The following FHIT variants were observed in gnomAD, a reference collection of about 807,000 sequenced individuals.
FHIT encodes bis(5'-adenosyl)-triphosphatase.
In FHIT, 19 loss-of-function variants were observed where a neutral mutation model predicts 17.9. The observed-to-expected ratio is 1.06, with a 90% CI of 0.74 to 1.56. The LOEUF (loss-of-function observed/expected upper bound fraction) is 1.56, where lower values mean the gene tolerates loss of function less well. FHIT is among the 40% of genes most tolerant of loss of function. The pLI, the probability that FHIT is intolerant of heterozygous loss-of-function variation, is 0.00. For synonymous variants in FHIT, 81 were observed against 69.7 expected (o/e 1.16, Z -0.81); for missense variants, 248 against 189.2 (o/e 1.31, Z -1.82).
At chr3:61,050,115 T>G (rs1371429690) in intron 2 of FHIT, among the ~76,000 whole-genome samples, 1 of 152,248 alleles carries the variant, frequency 6.6e-6, no homozygotes, top group Admixed American at 6.5e-5. Flanking sequence ...AAGGCTCCCA[T>G]GTCACATGAA....
chr3:59,920,116 A>G (rs938169746), intron 8 of FHIT, among the ~76,000 whole-genome samples: 27 of 152,344 alleles, frequency 1.8e-4, no homozygotes, highest in African/African-American at 6.0e-4. Context: ...CTACTTAAAG[A>G]AAAATAGTAA....
intron 5 of FHIT, among the ~76,000 whole-genome samples, chr3:60,281,978 T>C (rs1036491078): frequency 5.3e-5 from 8 of 152,166 alleles, no homozygotes; most frequent in Non-Finnish European, 1.0e-4. Flanking sequence ...CCTATTAGGA[T>C]AGCTAAATCC....
chr3:60,812,018 T>A (rs187904031), intron 4 of FHIT, among the ~76,000 whole-genome samples: 1 of 152,148 alleles, frequency 6.6e-6, no homozygotes, highest in East Asian at 1.9e-4. Flanking sequence ...CATTTATCCC[T>A]CCAAACTTCA....
At chr3:60,085,330 G>C (rs1234228502) in intron 5 of FHIT, among the ~76,000 whole-genome samples, 19 of 152,054 alleles carry the variant, frequency 1.2e-4, no homozygotes. Flanking sequence ...TTCTTCCAAA[G>C]GCCCTACTAC....
chr3:60,147,450 A>T (rs1268266152), intron 5 of FHIT, among the ~76,000 whole-genome samples: 1 of 152,166 alleles, frequency 6.6e-6, no homozygotes, highest in Non-Finnish European at 1.5e-5. Flanking sequence ...AGCAAGATGT[A>T]AAGGATGCAG....
Position 60,178,362 on chromosome 3 carries a change from G to A in FHIT, c.104-164210C>T, listed in dbSNP as rs796839838. Reference sequence around the variant, plus strand: ...AGCACTTTGGGAGGCTGAGGCGGGCGGATCACCTCAGGTCGGGAGTTCGAG... The same window carrying A: ...AGCACTTTGGGAGGCTGAGGCGGGCAGATCACCTCAGGTCGGGAGTTCGAG... On this transcript the variant is annotated intron_variant, in intron 5 of 9. Transcript: ENST00000492590. 3.9e-5 allele frequency among the ~76,000 whole-genome samples: 6 copies of A among 152,210 alleles called. No individual in the cohort carries two copies. The East Asian group carries it at 5.8e-4, about 15-fold the overall frequency.
chr3:59,978,293 A>C (rs763875573), intron 7 of FHIT, among the ~76,000 whole-genome samples: 1 of 152,104 alleles, frequency 6.6e-6, no homozygotes, highest in Non-Finnish European at 1.5e-5. Flanking sequence ...GGCCTGTCAT[A>C]AAGCCGTGCT....
chr3:60,368,208 AAAAAG>A (rs1198503622), intron 5 of FHIT, among the ~76,000 whole-genome samples: 10 of 151,528 alleles, frequency 6.6e-5, no homozygotes, highest in African/African-American at 2.4e-4. Flanking sequence ...AAAAAAAAAA[AAAAAG>A]AAACTGAGGA....
intron 4 of FHIT, among the ~76,000 whole-genome samples, chr3:60,769,829 A>G (rs1238040193): frequency 6.6e-6 from 1 of 152,240 alleles, no homozygotes; most frequent in East Asian, 1.9e-4. Context: ...GCTAGGTTAC[A>G]GTTCATCCAC....
At chr3:60,190,942 CA>C (rs1013974614) in intron 5 of FHIT, among the ~76,000 whole-genome samples, 18 of 149,682 alleles carry the variant, frequency 1.2e-4, no homozygotes, top group African/African-American at 3.4e-4. Flanking sequence ...GACTCCATCT[CA>C]AAAAAAAACT....
intron 5 of FHIT, among the ~76,000 whole-genome samples, chr3:60,401,766 A>G (rs183652805): frequency 1.3e-5 from 2 of 152,330 alleles, no homozygotes; most frequent in East Asian, 3.9e-4. Context: ...AAATTCTGGT[A>G]CAAAAGCAGT....
chr3:60,317,788 CTTTTT>C, intron 5 of FHIT, among the ~76,000 whole-genome samples: 1 of 138,546 alleles, frequency 7.2e-6, no homozygotes, highest in Admixed American at 7.2e-5. Flanking sequence ...AGTTTTTCTT[CTTTTT>C]TTTTTTTTTT....
At chr3:60,558,708 C>T (rs906745842) in intron 4 of FHIT, among the ~76,000 whole-genome samples, 2 of 152,194 alleles carry the variant, frequency 1.3e-5, no homozygotes, top group African/African-American at 4.8e-5. Context: ...GTTGTGGCAT[C>T]TTCCTCCTGC....
intron 3 of FHIT, among the ~76,000 whole-genome samples, chr3:60,833,911 G>T (rs1358454883): frequency 6.6e-6 from 1 of 152,074 alleles, no homozygotes; most frequent in Non-Finnish European, 1.5e-5. Context: ...TTGGTTTTGT[G>T]TTTTTTTCCC....
At chr3:60,763,670 T>C (rs1477763750) in intron 4 of FHIT, among the ~76,000 whole-genome samples, 1 of 152,212 alleles carries the variant, frequency 6.6e-6, no homozygotes, top group Non-Finnish European at 1.5e-5. Context: ...ATGTATTGGC[T>C]ACTACAAAAT....
intron 5 of FHIT, among the ~76,000 whole-genome samples, chr3:60,470,320 G>A (rs982577565): frequency 6.6e-6 from 1 of 152,048 alleles, no homozygotes; most frequent in African/African-American, 2.4e-5. Flanking sequence ...CTCTGGCTCT[G>A]GTCAGGTCCA....
intron 5 of FHIT, among the ~76,000 whole-genome samples, chr3:60,518,355 A>G (rs549733966): frequency 6.6e-6 from 1 of 152,374 alleles, no homozygotes; most frequent in Non-Finnish European, 1.5e-5. Flanking sequence ...TGATAAAGGT[A>G]ATGTATATAT....
In FHIT at chr3:59,843,755, T is replaced by C. The variant is rs140940217; in HGVS notation, c.348+78591A>G. Among the ~76,000 whole-genome samples, 9 of 152,290 alleles carry C rather than the reference T, an allele frequency of 5.9e-5. No individual in the cohort carries two copies. In the East Asian group the frequency reaches 1.5e-3, roughly 26 times the overall value. On this transcript the variant is annotated intron_variant, in intron 8 of 9. Coordinates refer to ENST00000492590, the MANE Select transcript of FHIT (RefSeq NM_002012.4). ...TGTCTTATTGCTTTGTTGAATTCAT[T>C]TATTACTCCTTACAGATTTTTTTTT...
intron 5 of FHIT, among the ~76,000 whole-genome samples, chr3:60,130,870 C>A (rs1046262456): frequency 1.4e-4 from 19 of 138,722 alleles, no homozygotes; most frequent in African/African-American, 5.2e-4. Context: ...TGTATATAGA[C>A]ACGTATACAT....
Sources: gnomAD v4.1 joint callset for allele counts (sites outside exome capture counted in the v4.1 genomes callset) on GRCh38, gnomAD v4.1.1 for gene constraint, MANE v1.5 for transcripts, NCBI Gene and HGNC (gene_info 2026-07-23, HGNC 2026-07-21) for gene names.